PRKCA: variants seen among roughly 807,000 people sequenced by gnomAD.
PRKCA encodes the protein protein kinase C alpha, also known as protein kinase C alpha type.
In PRKCA, 27 loss-of-function variants were observed where a neutral mutation model predicts 87.0. The ratio of observed to expected loss-of-function variants is 0.31; its 90% CI spans 0.23 to 0.43. The LOEUF (loss-of-function observed/expected upper bound fraction) is 0.43. Among genes scored for constraint, PRKCA ranks in the 20% least tolerant of loss-of-function variants. PRKCA has a pLI of 1.00. For synonymous variants in PRKCA, 329 were observed against 311.1 expected (o/e 1.06, Z -0.61); for missense variants, 518 against 852.3 (o/e 0.61, Z 4.88).
At chr17:66,797,116 C>T (rs1036495062) in intron 16 of PRKCA, among the ~76,000 whole-genome samples, 4 of 152,126 alleles carry the variant, frequency 2.6e-5, no homozygotes, top group South Asian at 2.1e-4. Flanking sequence ...GAGACCAACA[C>T]GTGTATTGCT....
Position 66,375,251 on chromosome 17 carries a change from C to T in PRKCA, c.205+69124C>T, listed in dbSNP as rs1417073241. 4.6e-5 allele frequency among the ~76,000 whole-genome samples: 7 copies of T among 152,080 alleles called. No individual in the cohort carries two copies. The East Asian group carries it at 5.8e-4, about 13-fold the overall frequency. On this transcript the variant is annotated intron_variant, in intron 2 of 16. Transcript: ENST00000413366. ...AGTCCAGTTGTAAGTAATAAGTGAT[C>T]GAGGAAAAGGAAGTTCCTTCACCTG...
chr17:66,329,139 T>A (rs1906171314), intron 2 of PRKCA, among the ~76,000 whole-genome samples: 1 of 152,076 alleles, frequency 6.6e-6, no homozygotes, highest in Non-Finnish European at 1.5e-5. Flanking sequence ...ACCAGAGATG[T>A]GGTGGAGGAC....
intron 5 of PRKCA, among the ~76,000 whole-genome samples, chr17:66,662,478 G>C (rs558666211): frequency 1.3e-5 from 2 of 152,184 alleles, no homozygotes; most frequent in African/African-American, 2.4e-5. Context: ...TTATTTCATG[G>C]AATGAAAAGT....
At chr17:66,346,963 G>A (rs921336160) in intron 2 of PRKCA, among the ~76,000 whole-genome samples, 4 of 151,830 alleles carry the variant, frequency 2.6e-5, no homozygotes, top group Non-Finnish European at 2.9e-5. Context: ...CGCGGGAGGC[G>A]GAGGTTGCAG....
intron 2 of PRKCA, among the ~76,000 whole-genome samples, chr17:66,458,727 C>T (rs1356796506): frequency 6.6e-6 from 1 of 152,136 alleles, no homozygotes; most frequent in Non-Finnish European, 1.5e-5. Context: ...GTGGTCCGCC[C>T]ACCTCAGCCT....
chr17:66,801,793 T>A (rs559408135), intron 16 of PRKCA, among the ~76,000 whole-genome samples: 1 of 151,802 alleles, frequency 6.6e-6, no homozygotes, highest in Non-Finnish European at 1.5e-5. Flanking sequence ...CTCCACAGAG[T>A]AACTTGAAAG....
At chr17:66,418,195 CA>C (rs1234301471) in intron 2 of PRKCA, among the ~76,000 whole-genome samples, 1 of 152,104 alleles carries the variant, frequency 6.6e-6, no homozygotes, top group Non-Finnish European at 1.5e-5. Flanking sequence ...GTGGATTAAG[CA>C]GATCTAAAAG....
At chr17:66,582,539 T>A (rs952554802) in intron 3 of PRKCA, among the ~76,000 whole-genome samples, 3 of 152,194 alleles carry the variant, frequency 2.0e-5, no homozygotes, top group Non-Finnish European at 4.4e-5. Flanking sequence ...CCTGCCGCCA[T>A]GTAAGATGTG....
At position 66,595,463 on chromosome 17, in the gene PRKCA, C is replaced by CTTTTTTTTTTTTTTTTT. The variant is rs374376124; in HGVS notation, c.289-45876_289-45875insTTTTTTTTTTTTTTTTT. On this transcript the variant is annotated intron_variant, in intron 3 of 16. Coordinates refer to ENST00000413366, the MANE Select transcript of PRKCA (RefSeq NM_002737.3). ...AACTCTATTTTATTTTCTTTTCCTT[C>CTTTTTTTTTTTTTTTTT]TTTTTTTTTTTTTTTTGAGACAGTC... Among the ~76,000 whole-genome samples the CTTTTTTTTTTTTTTTTT allele has an allele frequency of 4.3e-5, 5 of 116,556 alleles. 1 individual carries two copies. The highest frequency in any genetic ancestry group is 6.9e-5 in the African/African-American group (2 of 28,924). The allele number at this position is 116,556 out of a possible 152,430, so 76.5% of individuals were successfully genotyped here.
At chr17:66,449,116 C>G (rs1165271950) in intron 2 of PRKCA, among the ~76,000 whole-genome samples, 1 of 151,700 alleles carries the variant, frequency 6.6e-6, no homozygotes, top group Non-Finnish European at 1.5e-5. Flanking sequence ...GAGTCCCTGT[C>G]TGTACAAAAA....
intron 2 of PRKCA, among the ~76,000 whole-genome samples, chr17:66,486,695 T>C (rs928485297): frequency 2.0e-5 from 3 of 152,150 alleles, no homozygotes; most frequent in African/African-American, 7.2e-5. Context: ...TCCCCCGTTG[T>C]CTTTTGGCCT....
intron 2 of PRKCA, among the ~76,000 whole-genome samples, chr17:66,443,831 T>C (rs1172684226): frequency 2.0e-5 from 3 of 152,078 alleles, no homozygotes; most frequent in Admixed American, 6.6e-5. Context: ...GCAGAGGCAG[T>C]GAATTAGGCT....
chr17:66,406,585 G>GTTTTTGTTTTTTTTTTTTTTTTTTTTT (rs1911400411), intron 2 of PRKCA, among the ~76,000 whole-genome samples: 1 of 70,180 alleles, frequency 1.4e-5, no homozygotes, highest in Admixed American at 2.5e-4. Flanking sequence ...GCTTTTCCAG[G>GTTTTTGTTTTTTTTTTTTTTTTTTTTT]TTTTTTTTTT....
chr17:66,527,474 A>G (rs1220097429), intron 3 of PRKCA, among the ~76,000 whole-genome samples: 1 of 152,202 alleles, frequency 6.6e-6, no homozygotes, highest in Non-Finnish European at 1.5e-5. Context: ...TCTGCGGGTC[A>G]TTCATGATGT....
intron 2 of PRKCA, among the ~76,000 whole-genome samples, chr17:66,477,109 A>G (rs913457818): frequency 6.6e-6 from 1 of 152,160 alleles, no homozygotes; most frequent in Non-Finnish European, 1.5e-5. Flanking sequence ...GCTTCATGCT[A>G]AACTCTGGCC....
intron 3 of PRKCA, among the ~76,000 whole-genome samples, chr17:66,559,512 C>T (rs1430749235): frequency 7.0e-6 from 1 of 141,930 alleles, no homozygotes; most frequent in Non-Finnish European, 1.5e-5. Context: ...AAAAAGCTCT[C>T]CAGTACCCTC....
At chr17:66,702,517 CAATAAT>C (rs1973088852) in intron 8 of PRKCA, among the ~76,000 whole-genome samples, 1 of 151,942 alleles carries the variant, frequency 6.6e-6, no homozygotes, top group Non-Finnish European at 1.5e-5. Flanking sequence ...GCATGGTGAC[CAATAAT>C]AATAATGTGT....
intron 3 of PRKCA, among the ~76,000 whole-genome samples, chr17:66,630,818 C>A (rs986277098): frequency 7.2e-5 from 11 of 152,162 alleles, no homozygotes; most frequent in African/African-American, 2.4e-4. Flanking sequence ...GTTTGAAGTC[C>A]TAACCCATCC....
chr17:66,678,062 A>G (rs1201267109), intron 5 of PRKCA, among the ~76,000 whole-genome samples: 3 of 152,222 alleles, frequency 2.0e-5, no homozygotes, highest in Non-Finnish European at 2.9e-5. Flanking sequence ...ATTTGGAAAA[A>G]GGGTCTTTGC....
Sources: gnomAD v4.1 joint callset for allele counts (sites outside exome capture counted in the v4.1 genomes callset) on GRCh38, gnomAD v4.1.1 for gene constraint, MANE v1.5 for transcripts, NCBI Gene and HGNC (gene_info 2026-07-23, HGNC 2026-07-21) for gene names.